Variants in SHISA9 observed in about 807,000 individuals in gnomAD.
The protein encoded by SHISA9 is protein shisa-9.
Under a neutral mutation model 38.0 loss-of-function variants are expected in SHISA9, and 13 were observed. The observed-to-expected ratio is 0.34, with a 90% CI of 0.22 to 0.54. SHISA9 has a LOEUF of 0.54. Among genes scored for constraint, SHISA9 ranks in the 20% least tolerant of loss-of-function variants. The probability of loss-of-function intolerance (pLI) is 0.91; values close to 1 mark genes in which losing one functional copy is unlikely to be tolerated. For synonymous variants in SHISA9, 275 were observed against 242.0 expected (o/e 1.14, Z -1.27); for missense variants, 538 against 575.8 (o/e 0.93, Z 0.67).
chr16:13,508,905 G>C, the SHISA9 span, among the ~76,000 whole-genome samples: 1 of 152,148 alleles, frequency 6.6e-6, no homozygotes, highest in African/African-American at 2.4e-5. Context: ...TGTGGCAATT[G>C]TACAAAATGA....
chr16:13,117,855 C>T (rs959079521), intron 2 of SHISA9, among the ~76,000 whole-genome samples: 1 of 152,126 alleles, frequency 6.6e-6, no homozygotes, highest in Non-Finnish European at 1.5e-5. Flanking sequence ...GAGCCTTTTG[C>T]ATATTATAGG....
chr16:12,970,326 CATATAT>C (rs61455008), intron 2 of SHISA9, among the ~76,000 whole-genome samples: 2,703 of 73,134 alleles, frequency 0.037, 89 homozygotes, highest in South Asian at 0.07. Context: ...GGTATATATA[CATATAT>C]ATATATATAT....
chr16:13,095,380 C>G (rs550861763), intron 2 of SHISA9, among the ~76,000 whole-genome samples: 1 of 152,252 alleles, frequency 6.6e-6, no homozygotes, highest in Admixed American at 6.5e-5. Flanking sequence ...AGAGGTTGCA[C>G]ATCTTAACAA....
At chr16:12,997,536 A>G (rs1411997162) in intron 2 of SHISA9, among the ~76,000 whole-genome samples, 1 of 151,470 alleles carries the variant, frequency 6.6e-6, no homozygotes, top group Non-Finnish European at 1.5e-5. Flanking sequence ...CCTCGCCAGT[A>G]GCTGAGATTA....
chr16:13,534,385 T>C, the SHISA9 span, among the ~76,000 whole-genome samples: 125,155 of 151,950 alleles, frequency 0.82, 51,765 homozygotes, highest in East Asian at 0.99. Context: ...CCACCATACC[T>C]GGCTAATTTT....
chr16:13,198,576 C>G (rs1052630830), intron 2 of SHISA9, among the ~76,000 whole-genome samples: 13 of 152,230 alleles, frequency 8.5e-5, no homozygotes, highest in Admixed American at 8.5e-4. Context: ...TATCTCCAAT[C>G]TGCATTTTTT....
the SHISA9 span, among the ~76,000 whole-genome samples, chr16:13,502,591 C>T: frequency 6.6e-6 from 1 of 152,184 alleles, no homozygotes; most frequent in South Asian, 2.1e-4. Context: ...TTAGGAAAGA[C>T]AGGCCGGGCG....
the SHISA9 span, among the ~76,000 whole-genome samples, chr16:13,437,864 CTTTTTTTTTTTTTTTT>C: frequency 9.6e-6 from 1 of 104,490 alleles, no homozygotes; most frequent in African/African-American, 3.3e-5. Flanking sequence ...CTTTTTTTTT[CTTTTTTTTTTTTTTTT>C]TTGAGACAGA....
intron 4 of SHISA9, among the ~76,000 whole-genome samples, chr16:13,228,526 G>T (rs2051301148): frequency 6.6e-6 from 1 of 152,164 alleles, no homozygotes; most frequent in South Asian, 2.1e-4. Flanking sequence ...CCTCAGACTG[G>T]TCTGATGTCT....
chr16:13,134,831 G>A (rs2050334597), intron 2 of SHISA9, among the ~76,000 whole-genome samples: 1 of 152,140 alleles, frequency 6.6e-6, no homozygotes, highest in Admixed American at 6.5e-5. Context: ...AGTGCCTCTA[G>A]CTCTGCTCCA....
At chr16:13,476,105 T>G in the SHISA9 span, among the ~76,000 whole-genome samples, 1 of 152,182 alleles carries the variant, frequency 6.6e-6, no homozygotes, top group African/African-American at 2.4e-5. Context: ...TTTGTTTTTT[T>G]TCCTCCCAGT....
intron 2 of SHISA9, among the ~76,000 whole-genome samples, chr16:12,921,744 T>C (rs2071331525): frequency 6.6e-6 from 1 of 152,158 alleles, no homozygotes; most frequent in African/African-American, 2.4e-5. Context: ...CTAGCCTAGG[T>C]GACAGAATGA....
the SHISA9 span, among the ~76,000 whole-genome samples, chr16:13,304,702 G>T: frequency 2.6e-5 from 4 of 152,150 alleles, no homozygotes; most frequent in African/African-American, 4.8e-5. Flanking sequence ...ATCTTATGAG[G>T]TGAGTTCTAT....
chr16:13,058,717 T>C (rs1162772426), intron 2 of SHISA9, among the ~76,000 whole-genome samples: 2 of 151,994 alleles, frequency 1.3e-5, no homozygotes, highest in Non-Finnish European at 2.9e-5. Context: ...TCCCCCATGA[T>C]GGCTACATGT....
the SHISA9 span, among the ~76,000 whole-genome samples, chr16:13,553,540 G>A: frequency 6.6e-6 from 1 of 152,030 alleles, no homozygotes; most frequent in Non-Finnish European, 1.5e-5. Flanking sequence ...TGCTCACCAG[G>A]TCTAAAATAC....
At chr16:13,451,209 G>C in the SHISA9 span, among the ~76,000 whole-genome samples, 1 of 152,146 alleles carries the variant, frequency 6.6e-6, no homozygotes, top group Admixed American at 6.6e-5. Context: ...AGTTCCCCGG[G>C]AGGATTATTC....
At chr16:13,425,912 C>T in the SHISA9 span, among the ~76,000 whole-genome samples, 2 of 152,080 alleles carry the variant, frequency 1.3e-5, no homozygotes, top group African/African-American at 4.8e-5. Flanking sequence ...TTTGCCTGAT[C>T]CTGCAAGCCT....
At chr16:13,262,678 GAGGA>G in the SHISA9 span, among the ~76,000 whole-genome samples, 59 of 55,898 alleles carry the variant, frequency 1.1e-3, 1 homozygote, top group East Asian at 8.7e-3. Context: ...GGAAGGGAGG[GAGGA>G]AGGAAGGAAG....
the SHISA9 span, among the ~76,000 whole-genome samples, chr16:13,456,028 T>C: frequency 6.6e-6 from 1 of 152,190 alleles, no homozygotes; most frequent in Non-Finnish European, 1.5e-5. Flanking sequence ...GGCAGGTGTC[T>C]TGAGAAAGAC....
Sources: gnomAD v4.1 joint callset for allele counts (sites outside exome capture counted in the v4.1 genomes callset) on GRCh38, gnomAD v4.1.1 for gene constraint, MANE v1.5 for transcripts, NCBI Gene and HGNC (gene_info 2026-07-23, HGNC 2026-07-21) for gene names.